The following RAD54L2 variants were observed in gnomAD, a reference collection of about 807,000 sequenced individuals.
The protein encoded by RAD54L2 is helicase ARIP4.
Under a neutral mutation model 138.4 loss-of-function variants are expected in RAD54L2, and 27 were observed. The observed-to-expected ratio is 0.20, with a 90% CI of 0.14 to 0.27. The LOEUF is 0.27. RAD54L2 is among the 10% of genes least tolerant of loss of function. The pLI, the probability that RAD54L2 is intolerant of heterozygous loss-of-function variation, is 1.00. For synonymous variants in RAD54L2, 644 were observed against 723.2 expected (o/e 0.89, Z 1.76); for missense variants, 1,396 against 1,890.2 (o/e 0.74, Z 4.85).
At chr3:51,651,319 A>C (rs2106836444) in intron 19 of RAD54L2, among the ~76,000 whole-genome samples, 1 of 152,354 alleles carries the variant, frequency 6.6e-6, no homozygotes. Flanking sequence ...AAAAAAGTCC[A>C]GGACCAGATG....
intron 20 of RAD54L2, among the ~76,000 whole-genome samples, chr3:51,656,938 T>C (rs1267835768): frequency 6.6e-6 from 1 of 152,142 alleles, no homozygotes; most frequent in Non-Finnish European, 1.5e-5. Context: ...GGTTTCACCA[T>C]GTTGCCCAGG....
At chr3:51,539,281 G>T (rs1427703804) in intron 1 of RAD54L2, among the ~76,000 whole-genome samples, 2 of 152,162 alleles carry the variant, frequency 1.3e-5, no homozygotes, top group Non-Finnish European at 2.9e-5. Flanking sequence ...AAAGTATTTG[G>T]AATTTTAGGG....
At position 51,662,916 on chromosome 3, in the gene RAD54L2, C is replaced by T; in HGVS notation, c.3900C>T (p.Ser1300=). Residue 1300 remains serine (S), a synonymous_variant, in exon 23 of 23, where the codon TCC becomes TCT. Coordinates refer to ENST00000684192, the MANE Select transcript of RAD54L2 (RefSeq NM_015106.4). This position sits in a 1 kb window ranked among gnomAD's most constrained non-coding sequence, Gnocchi z 4.6. ...GCGGGTTTGCCATGCCACCCGTCTCCTTAAACCATAACCTCACCACCCCCT... is the reference window on the plus strand; with the variant it reads ...GCGGGTTTGCCATGCCACCCGTCTCTTTAAACCATAACCTCACCACCCCCT... ...VSGGFAMPPV[S]LNHNLTTPFT... The T allele has an allele frequency of 1.9e-6, 3 of 1,613,846 alleles. No homozygotes were observed. The highest frequency in any genetic ancestry group is 2.5e-6 in the Non-Finnish European group (3 of 1,179,858).
chr3:51,567,002 T>G (rs532001632), intron 2 of RAD54L2, among the ~76,000 whole-genome samples: 1 of 152,306 alleles, frequency 6.6e-6, no homozygotes, highest in South Asian at 2.1e-4. Context: ...TAGTTTACTC[T>G]TTCATGAGAT....
intron 2 of RAD54L2, among the ~76,000 whole-genome samples, chr3:51,553,142 A>G (rs1337985957): frequency 1.3e-5 from 2 of 152,054 alleles, no homozygotes; most frequent in Non-Finnish European, 2.9e-5. Context: ...CAGTGGCGCA[A>G]TCTCGGCTCA....
intron 2 of RAD54L2, among the ~76,000 whole-genome samples, chr3:51,546,178 A>AT (rs1416947423): frequency 6.6e-6 from 1 of 151,368 alleles, no homozygotes; most frequent in Non-Finnish European, 1.5e-5. Flanking sequence ...ACCTCAGGTG[A>AT]TCCCCCCTCC....
At chr3:51,579,757 A>G (rs1464043546) in intron 2 of RAD54L2, among the ~76,000 whole-genome samples, 1 of 152,222 alleles carries the variant, frequency 6.6e-6, no homozygotes, top group African/African-American at 2.4e-5. Flanking sequence ...AAAAAGTTAA[A>G]TAAGTAGTAT....
intron 3 of RAD54L2, among the ~76,000 whole-genome samples, chr3:51,613,816 T>C (rs1400496034): frequency 6.6e-6 from 1 of 152,194 alleles, no homozygotes; most frequent in African/African-American, 2.4e-5. Context: ...ATGATTGTTT[T>C]GTTACTACTG....
At chr3:51,592,386 A>T (rs1305101286) in intron 3 of RAD54L2, among the ~76,000 whole-genome samples, 1 of 151,918 alleles carries the variant, frequency 6.6e-6, no homozygotes, top group African/African-American at 2.4e-5. Context: ...TTAAAATTTT[A>T]AAATGACTCA....
At chr3:51,659,098 G>GTTTTTTTTTT (rs1014568687) in intron 21 of RAD54L2, among the ~76,000 whole-genome samples, 3 of 75,048 alleles carry the variant, frequency 4.0e-5, no homozygotes, top group Non-Finnish European at 7.4e-5. Flanking sequence ...TCCGGCTCTT[G>GTTTTTTTTTT]TTTTTTTTTT....
intron 2 of RAD54L2, among the ~76,000 whole-genome samples, chr3:51,578,922 T>C (rs1699544620): frequency 6.6e-6 from 1 of 152,126 alleles, no homozygotes; most frequent in Admixed American, 6.5e-5. Flanking sequence ...CACGAACGAA[T>C]TGAAGGTGGT....
intron 2 of RAD54L2, among the ~76,000 whole-genome samples, chr3:51,577,710 C>T (rs554881500): frequency 6.6e-6 from 1 of 152,164 alleles, no homozygotes; most frequent in Non-Finnish European, 1.5e-5. Flanking sequence ...AGATCTTCCT[C>T]CATCCCTTTA....
rs1701808440 is a variant in RAD54L2 at position 51,662,600 on chromosome 3, C to T, written c.3584C>T (p.Ser1195Phe). ...VAAARESRQS[S>F]PSTNAALPGP... is the part of the protein sequence containing the mutation. ...GCTGCCCGGGAATCCCGTCAGAGCTCCCCAAGCACCAATGCCGCCCTGCCT... is the reference window on the plus strand; with the variant it reads ...GCTGCCCGGGAATCCCGTCAGAGCTTCCCAAGCACCAATGCCGCCCTGCCT... The change falls in exon 23 of 23, where the codon TCC (serine) becomes TTC (phenylalanine). Residue 1195 changes from serine (S) to phenylalanine (F), a missense_variant. Transcript: ENST00000684192. This position sits in a 1 kb window ranked among gnomAD's most constrained non-coding sequence, Gnocchi z 4.6. 1 of 1,613,076 alleles carries T rather than the reference C, an allele frequency of 6.2e-7. No homozygotes were observed. The highest frequency in any genetic ancestry group is 8.5e-7 in the Non-Finnish European group (1 of 1,179,552).
At chr3:51,628,247 C>T (rs969604556) in intron 4 of RAD54L2, among the ~76,000 whole-genome samples, 2 of 151,880 alleles carry the variant, frequency 1.3e-5, no homozygotes, top group South Asian at 2.1e-4. Context: ...AATAACAATG[C>T]GTGCCATTGA....
At chr3:51,640,058 C>A in intron 14 of RAD54L2, 59 bp downstream of exon 14, 2 of 1,357,198 alleles carry the variant, frequency 1.5e-6, no homozygotes, top group Non-Finnish European at 2.1e-6. Context: ...GACAAAACCA[C>A]CACAGAGCAA....
At position 51,592,067 on chromosome 3, in the gene RAD54L2, T is replaced by G. The variant is rs1362630079; in HGVS notation, c.139+1508T>G. Among the ~76,000 whole-genome samples, 4 of 131,694 alleles carry G rather than the reference T, an allele frequency of 3.0e-5. No homozygotes were observed. The East Asian group carries it at 9.0e-4, about 30-fold the overall frequency. 86.4% of individuals were successfully genotyped at this position (131,694 alleles called of 152,430 possible). On this transcript the variant is annotated intron_variant, in intron 3 of 22. Coordinates refer to ENST00000684192, the MANE Select transcript of RAD54L2 (RefSeq NM_015106.4). ...TTTGGTTTTGGTGTTTTTTTTTTTTTTTTTTTTTTTTTTTTTGAGATGGAG... is the reference window on the plus strand; with the variant it reads ...TTTGGTTTTGGTGTTTTTTTTTTTTGTTTTTTTTTTTTTTTTGAGATGGAG...
rs925636270 is a variant in RAD54L2, at chr3:51,664,226, G to A, written c.*806G>A. 6.6e-6 allele frequency: 1 copy of A among 152,086 alleles called. No homozygotes were observed. The allele number at this position is 152,086 out of a possible 1,614,324, so 9.4% of individuals were successfully genotyped here. On this transcript the variant is annotated 3_prime_UTR_variant, in exon 23 of 23. Coordinates refer to ENST00000684192, the MANE Select transcript of RAD54L2 (RefSeq NM_015106.4). ...CAGAGCCACATTTGTGTGAGAATTT[G>A]GGGAAATTCATGAGAGAAAATGGGC...
intron 14 of RAD54L2, among the ~76,000 whole-genome samples, chr3:51,640,574 C>T (rs573591413): frequency 6.6e-6 from 1 of 152,274 alleles, no homozygotes; most frequent in South Asian, 2.1e-4. Flanking sequence ...AGATTATGCT[C>T]CAAGAAGAGC....
chr3:51,647,630 T>C (rs995749853), intron 19 of RAD54L2, among the ~76,000 whole-genome samples: 2 of 152,050 alleles, frequency 1.3e-5, no homozygotes, highest in Admixed American at 6.6e-5. Flanking sequence ...GATCGCGCCA[T>C]TGCACTTCAG....
Sources: allele counts gnomAD v4.1 joint callset (sites outside exome capture counted in the v4.1 genomes callset), GRCh38; gene constraint gnomAD v4.1.1; non-coding constraint Gnocchi (gnomAD v3.1); transcripts MANE v1.5; gene names NCBI Gene and HGNC (gene_info 2026-07-23, HGNC 2026-07-21).